The following CORIN variants were observed in gnomAD, a reference collection of about 807,000 sequenced individuals.
CORIN encodes the protein atrial natriuretic peptide-converting enzyme.
A neutral mutation model predicts 125.3 loss-of-function variants in CORIN; 117 were observed. The ratio of observed to expected loss-of-function variants is 0.93; its 90% CI spans 0.80 to 1.09. The LOEUF (loss-of-function observed/expected upper bound fraction) is 1.09, where lower values mean the gene tolerates loss of function less well. Among genes scored for constraint, CORIN ranks in the 50% least tolerant of loss-of-function variants. The pLI is 0.00. For synonymous variants in CORIN, 450 were observed against 466.4 expected (o/e 0.96, Z 0.45); for missense variants, 1,253 against 1,306.7 (o/e 0.96, Z 0.63).
chr4:47,607,065 G>T (rs1368762915), intron 19 of CORIN, among the ~76,000 whole-genome samples: 2 of 152,152 alleles, frequency 1.3e-5, no homozygotes, highest in Non-Finnish European at 2.9e-5. Flanking sequence ...CTTAATTACT[G>T]TATTGAGATT....
chr4:47,621,912 A>G (rs925480368), intron 19 of CORIN, among the ~76,000 whole-genome samples: 4 of 149,456 alleles, frequency 2.7e-5, no homozygotes, highest in Admixed American at 2.0e-4. Flanking sequence ...GGTTAGTTAC[A>G]TATGTATACA....
intron 7 of CORIN, chr4:47,683,051 T>C (rs537815575): frequency 1.3e-5 from 2 of 152,262 alleles, no homozygotes; most frequent in Non-Finnish European, 2.9e-5. Flanking sequence ...GTTTGCCCTT[T>C]TGTTCATGTT....
intron 2 of CORIN, chr4:47,790,326 T>A: frequency 3.6e-6 from 1 of 278,088 alleles, no homozygotes; most frequent in Non-Finnish European, 5.5e-6. Flanking sequence ...GGGTGGAGCC[T>A]CAGGAGGTTC....
At chr4:47,734,891 C>T (rs539209764) in intron 5 of CORIN, among the ~76,000 whole-genome samples, 1 of 152,244 alleles carries the variant, frequency 6.6e-6, no homozygotes, top group South Asian at 2.1e-4. Context: ...CCAAATGTTC[C>T]CAAATGGGGG....
chr4:47,626,465 G>A lies in CORIN; in HGVS notation c.2255C>T (p.Thr752Ile), dbSNP rs140700496. The A allele has an allele frequency of 4.0e-5, 64 of 1,614,102 alleles. No homozygotes were observed. In the African/African-American group the frequency reaches 8.0e-4, roughly 20 times the overall value. Residue 752 changes from threonine to isoleucine, a missense_variant, in exon 17 of 22, where the codon ACA (threonine) becomes ATA (isoleucine). Physicochemically the swap from Thr to Ile is moderately conservative, Grantham distance 89. Coordinates refer to ENST00000273857, the MANE Select transcript of CORIN (RefSeq NM_006587.4). ...QEQEKEPRWL[T>I]LHSNWESLNG... ...GAGGCTCTCCCAGTTGGAGTGTAAT[G>A]TCAGCCACCGCGGCTCTTTCTCCTG...
intron 1 of CORIN, among the ~76,000 whole-genome samples, chr4:47,819,744 T>A (rs1214792184): frequency 6.6e-6 from 1 of 152,206 alleles, no homozygotes; most frequent in African/African-American, 2.4e-5. Context: ...TTGATGCCCA[T>A]AATTCCATTA....
chr4:47,690,700 C>T (rs1330052831), intron 6 of CORIN, among the ~76,000 whole-genome samples: 7 of 152,200 alleles, frequency 4.6e-5, no homozygotes, highest in Admixed American at 4.6e-4. Flanking sequence ...AGCAAAACTT[C>T]CTTCTCCTCT....
intron 1 of CORIN, among the ~76,000 whole-genome samples, chr4:47,807,582 A>G (rs1731849465): frequency 6.6e-6 from 1 of 152,188 alleles, no homozygotes; most frequent in South Asian, 2.1e-4. Flanking sequence ...ATTTAGTGAC[A>G]AGTTGAAATA....
At chr4:47,778,085 C>T (rs949041562) in intron 3 of CORIN, among the ~76,000 whole-genome samples, 2 of 152,138 alleles carry the variant, frequency 1.3e-5, no homozygotes, top group Admixed American at 6.5e-5. Context: ...TTTTACAATG[C>T]TGTTAACATG....
chr4:47,680,459 G>T (rs1469575788), intron 7 of CORIN: 5 of 477,146 alleles, frequency 1.0e-5, no homozygotes, highest in Non-Finnish European at 1.9e-5. Context: ...GGTAAGATGG[G>T]TCTGTTTTTC....
intron 3 of CORIN, among the ~76,000 whole-genome samples, chr4:47,774,549 A>G (rs968779670): frequency 2.0e-5 from 3 of 152,168 alleles, no homozygotes; most frequent in Non-Finnish European, 4.4e-5. Context: ...AAATATGACC[A>G]TCTTCTCCGC....
chr4:47,603,841 G>A (rs915212213), intron 19 of CORIN, among the ~76,000 whole-genome samples, 173 bp from the exon 20 acceptor site: 14 of 152,186 alleles, frequency 9.2e-5, no homozygotes, highest in African/African-American at 3.1e-4. Flanking sequence ...TAGCAAGTAA[G>A]TATTATTGTT....
rs1372080299 is a variant in CORIN at position 47,806,985 on chromosome 4, G to T, written c.126C>A (p.Asn42Lys). The T allele has an allele frequency of 5.6e-6, 9 of 1,613,900 alleles. No individual in the cohort carries two copies. Among genetic ancestry groups the T allele is most frequent in the Non-Finnish European group, 7.6e-6 (9 of 1,179,920 alleles). ...GGACCAGCAATAGGAACCGGAGGAGGTTAGCAGTCGCCAGCTTCTGAGAGC... is the reference window on the plus strand; with the variant it reads ...GGACCAGCAATAGGAACCGGAGGAGTTTAGCAGTCGCCAGCTTCTGAGAGC... ...NGCSQKLATA[N>K]LLRFLLLVLI... The change falls in exon 2 of 22, where the codon AAC becomes AAA. Residue 42 changes from asparagine to lysine, a missense_variant. Coordinates refer to ENST00000273857, the MANE Select transcript of CORIN (RefSeq NM_006587.4).
chr4:47,733,948 A>G (rs1728003659), intron 5 of CORIN, among the ~76,000 whole-genome samples: 1 of 152,150 alleles, frequency 6.6e-6, no homozygotes, highest in South Asian at 2.1e-4. Flanking sequence ...AGCTGTTACA[A>G]GTTGTGGGTT....
At chr4:47,712,640 C>T (rs28470410) in intron 5 of CORIN, among the ~76,000 whole-genome samples, 14,971 of 152,130 alleles carry the variant, frequency 0.098, 869 homozygotes, top group East Asian at 0.27. Flanking sequence ...AATCCTTCCT[C>T]CCCTGGCTGC....
At chr4:47,752,873 A>AT (rs1728965410) in intron 4 of CORIN, among the ~76,000 whole-genome samples, 2 of 152,236 alleles carry the variant, frequency 1.3e-5, no homozygotes, top group African/African-American at 4.8e-5. Flanking sequence ...CACAAAAGAA[A>AT]TGTGCAATTG....
intron 5 of CORIN, among the ~76,000 whole-genome samples, chr4:47,732,478 C>T (rs916155693): frequency 6.6e-6 from 1 of 152,086 alleles, no homozygotes; most frequent in South Asian, 2.1e-4. Flanking sequence ...TAGACTAATT[C>T]TAAACCATAT....
intron 4 of CORIN, among the ~76,000 whole-genome samples, chr4:47,755,967 T>C (rs1375542210): frequency 2.0e-5 from 3 of 152,246 alleles, no homozygotes; most frequent in African/African-American, 7.2e-5. Context: ...GCACCTGCTA[T>C]GTGTTGGGCA....
intron 1 of CORIN, among the ~76,000 whole-genome samples, chr4:47,832,216 G>A (rs1733056537): frequency 6.6e-6 from 1 of 152,072 alleles, no homozygotes; most frequent in Non-Finnish European, 1.5e-5. Flanking sequence ...AAATCATCAA[G>A]GCTGAAGGGG....
Sources: gnomAD v4.1 joint callset for allele counts (sites outside exome capture counted in the v4.1 genomes callset) on GRCh38, gnomAD v4.1.1 for gene constraint, MANE v1.5 for transcripts, NCBI Gene and HGNC (gene_info 2026-07-23, HGNC 2026-07-21) for gene names.